Variants in NBL1 observed in about 807,000 individuals in gnomAD.
The protein encoded by NBL1 is neuroblastoma suppressor of tumorigenicity 1.
NBL1 carries 9 observed loss-of-function variants against 16.0 expected under a neutral mutation model. That is an observed-to-expected ratio of 0.56 (90% CI 0.34 to 0.98). The LOEUF (loss-of-function observed/expected upper bound fraction) is 0.98. NBL1 is among the 50% of genes least tolerant of loss of function. The pLI is 0.02. For missense variants in NBL1, 196 were observed against 243.1 expected, an observed-to-expected ratio of 0.81 and a Z score of 1.29; for synonymous variants, 86 against 100.7, an observed-to-expected ratio of 0.85 and a Z score of 0.87.
chr1:19,644,294 C>G (rs2094963996), upstream of NBL1: 4 of 979,626 alleles, frequency 4.1e-6, no homozygotes, highest in Non-Finnish European at 4.8e-6. The surrounding 1 kb of genome is among the most constrained non-coding windows in gnomAD (Gnocchi z 4.6). Flanking sequence ...CCCCGCGCCG[C>G]GCGCCCGCCC....
At chr1:19,646,743 C>T (rs2094982847) in intron 1 of NBL1, among the ~76,000 whole-genome samples, 1 of 152,348 alleles carries the variant, frequency 6.6e-6, no homozygotes, top group Non-Finnish European at 1.5e-5. Context: ...CTGGTGTCTC[C>T]ACGACCCTGT....
At chr1:19,645,907 G>A in intron 1 of NBL1, 2 of 1,548,810 alleles carry the variant, frequency 1.3e-6, no homozygotes, top group Non-Finnish European at 1.7e-6. Flanking sequence ...GCCGGAGCGG[G>A]CAGGGTTGTT....
chr1:19,645,438 G>A (rs2094972999), intron 1 of NBL1: 22 of 989,022 alleles, frequency 2.2e-5, no homozygotes, highest in Non-Finnish European at 2.6e-5. Flanking sequence ...CGGGCATCAA[G>A]GGAGAAAGCC....
At chr1:19,650,043 C>G (rs1018886205) in intron 1 of NBL1, among the ~76,000 whole-genome samples, 1 of 151,280 alleles carries the variant, frequency 6.6e-6, no homozygotes, top group African/African-American at 2.4e-5. Flanking sequence ...GGCGTGATCT[C>G]GGCTCACTGC....
chr1:19,655,292 T>A lies in NBL1; in HGVS notation c.171-32T>A, dbSNP rs766590259. The A allele has an allele frequency of 8.1e-6, 13 of 1,613,296 alleles. 1 individual carries two copies. The South Asian group carries it at 1.1e-4, about 14-fold the overall frequency. On this transcript the variant is annotated intron_variant, in intron 2 of 3. Transcript: ENST00000375136. The stretch of plus-strand genomic sequence containing the variant: ...CTGCCCATCCCTGCCTCCCCAACAG[T>A]GACACAGGCATGGTGACCTCTCCTC...
intron 1 of NBL1, chr1:19,646,092 A>G (rs11810271): frequency 0.25 from 389,649 of 1,539,462 alleles, 60,958 homozygotes; most frequent in African/African-American, 0.78. Context: ...GGGCTGGAAG[A>G]TGCAGGCAGG....
At chr1:19,647,923 A>G (rs549527988) in intron 1 of NBL1, among the ~76,000 whole-genome samples, 181 of 150,940 alleles carry the variant, frequency 1.2e-3, no homozygotes, top group African/African-American at 4.2e-3. Context: ...GCGGATGTAC[A>G]TTTTCTTGTG....
intron 1 of NBL1, among the ~76,000 whole-genome samples, chr1:19,645,161 A>G (rs2100385097): frequency 6.6e-6 from 1 of 152,138 alleles, no homozygotes; most frequent in Admixed American, 6.5e-5. Flanking sequence ...ATAGTTTCCT[A>G]GACCGGGTGC....
chr1:19,643,305 A>T (rs1378740263), upstream of NBL1: 1 of 1,613,580 alleles, frequency 6.2e-7, no homozygotes, highest in African/African-American at 1.3e-5. The surrounding 1 kb of genome is among the most constrained non-coding windows in gnomAD (Gnocchi z 4.7). Context: ...ACTAGGAGCC[A>T]CCCAGGATGC....
At position 19,657,295 on chromosome 1, in the gene NBL1, G is replaced by A. The variant is rs2095061828; in HGVS notation, c.*166G>A. 5.8e-6 allele frequency: 3 copies of A among 521,638 alleles called. No individual in the cohort carries two copies. Among genetic ancestry groups the A allele is most frequent in the South Asian group, 3.1e-5 (1 of 31,868 alleles). The allele number at this position is 521,638 out of a possible 1,614,324, so 32.3% of individuals were successfully genotyped here. Reference sequence around the variant, plus strand: ...TTGCCATGGAGATCTGAAGGGGCGGGGTTAGAGCCAAGCTGCACAATTTAA... The same window carrying A: ...TTGCCATGGAGATCTGAAGGGGCGGAGTTAGAGCCAAGCTGCACAATTTAA... On this transcript the variant is annotated 3_prime_UTR_variant, in exon 4 of 4. Coordinates refer to ENST00000375136, the MANE Select transcript of NBL1 (RefSeq NM_005380.8).
chr1:19,645,490 C>CG, intron 1 of NBL1: 1 of 994,982 alleles, frequency 1.0e-6, no homozygotes, highest in Non-Finnish European at 1.2e-6. Context: ...CCAAGCTGGA[C>CG]GCCACCAGCC....
chr1:19,650,425 G>A (rs2100417785), intron 1 of NBL1, among the ~76,000 whole-genome samples: 1 of 152,304 alleles, frequency 6.6e-6, no homozygotes, highest in Middle Eastern at 3.4e-3. Flanking sequence ...GTGTCTGAGT[G>A]GGCATAGGGT....
At position 19,644,456 on chromosome 1, in the gene NBL1, G is replaced by T. The variant is rs993989227; in HGVS notation, c.-20+10G>T. On this transcript the variant is annotated intron_variant, in intron 1 of 3. Coordinates refer to ENST00000375136, the MANE Select transcript of NBL1 (RefSeq NM_005380.8). The surrounding 1 kb of genome is among the most constrained non-coding windows in gnomAD (Gnocchi z 4.6). ...CCGGCGGGCGCGCGCGGTAAGTCCC[G>T]CCCGGGTCGGCACGCGGGCGCCCGG... 4 of 978,900 alleles carry T rather than the reference G, an allele frequency of 4.1e-6. No homozygotes were observed. The highest frequency in any genetic ancestry group is 4.8e-6 in the Non-Finnish European group (4 of 827,366). 60.6% of individuals were successfully genotyped at this position (978,900 alleles called of 1,614,324 possible). A position where few individuals can be genotyped will look rare whatever the true frequency, so the allele number is the denominator to read the frequency against.
At chr1:19,650,701 C>G (rs983281331) in intron 1 of NBL1, among the ~76,000 whole-genome samples, 1 of 151,514 alleles carries the variant, frequency 6.6e-6, no homozygotes, top group Admixed American at 6.6e-5. Context: ...CTGGGTGAGG[C>G]TCTCAAGGCT....
intron 1 of NBL1, chr1:19,645,970 A>T: frequency 6.4e-7 from 1 of 1,550,542 alleles, no homozygotes. Context: ...CTGGCCCTGC[A>T]GCAGCTCATT....
chr1:19,649,244 G>C (rs1438263633), intron 1 of NBL1, among the ~76,000 whole-genome samples: 1 of 152,062 alleles, frequency 6.6e-6, no homozygotes, highest in Non-Finnish European at 1.5e-5. Flanking sequence ...ATCTAAAAAT[G>C]GGGGAAAGAA....
intron 1 of NBL1, among the ~76,000 whole-genome samples, chr1:19,646,702 C>A (rs1482163305): frequency 6.6e-6 from 1 of 152,240 alleles, no homozygotes; most frequent in Non-Finnish European, 1.5e-5. Flanking sequence ...GGGGCACAGC[C>A]TGTTTTCTTG....
rs754641009 is a variant in NBL1, at chr1:19,655,354, C to T, written c.201C>T (p.Ser67=). The change falls in exon 3 of 4, where the codon AGC becomes AGT. Residue 67 remains serine (S), a synonymous_variant. Coordinates refer to ENST00000375136, the MANE Select transcript of NBL1 (RefSeq NM_005380.8). ...GCCTAGGACAGTGCTTCAGCTACAG[C>T]GTCCCCAACACCTTCCCACAGTCCA... ...RACLGQCFSY[S]VPNTFPQSTE... 16 of 1,614,006 alleles carry T rather than the reference C, an allele frequency of 9.9e-6. No homozygotes were observed. The highest frequency in any genetic ancestry group is 3.3e-4 in the Middle Eastern group (2 of 6,082).
At chr1:19,645,615 G>A (rs1570542676) in intron 1 of NBL1, 1 of 1,071,922 alleles carries the variant, frequency 9.3e-7, no homozygotes, top group East Asian at 7.1e-5. Context: ...ACTGCGGAAT[G>A]GGGCCTCCCT....
Sources: allele counts gnomAD v4.1 joint callset (sites outside exome capture counted in the v4.1 genomes callset), GRCh38; gene constraint gnomAD v4.1.1; non-coding constraint Gnocchi (gnomAD v3.1); transcripts MANE v1.5; gene names NCBI Gene and HGNC (gene_info 2026-07-23, HGNC 2026-07-21).